SHISA9: variants seen among roughly 807,000 people sequenced by gnomAD.
SHISA9 encodes protein shisa-9.
In SHISA9, 13 loss-of-function variants were observed where a neutral mutation model predicts 38.0. That is an observed-to-expected ratio of 0.34 (90% confidence interval 0.22 to 0.54). The LOEUF (loss-of-function observed/expected upper bound fraction) is 0.54, where lower values mean the gene tolerates loss of function less well. Among genes scored for constraint, SHISA9 ranks in the 20% least tolerant of loss-of-function variants. The probability of loss-of-function intolerance (pLI) is 0.91; values close to 1 mark genes in which losing one functional copy is unlikely to be tolerated. For missense variants in SHISA9, 538 were observed against 575.8 expected (o/e 0.93, Z 0.67); for synonymous variants, 275 against 242.0 (o/e 1.14, Z -1.27).
chr16:13,001,166 G>T (rs2072519728), intron 2 of SHISA9, among the ~76,000 whole-genome samples: 2 of 152,240 alleles, frequency 1.3e-5, no homozygotes, highest in South Asian at 2.1e-4. Context: ...GACATCAGGT[G>T]ATCTGCCCGC....
rs989873038 is a variant in SHISA9 at position 13,029,087 on chromosome 16, C to T, written c.691+112272C>T. ...TTTTTTTATTTTTAGTTTTTGTGGG[C>T]ACCTAGTAGATATATAGAGCTACCA... On this transcript the variant is annotated intron_variant, in intron 2 of 4. Coordinates refer to ENST00000558583, the MANE Select transcript of SHISA9 (RefSeq NM_001145204.3). Among the ~76,000 whole-genome samples, 5 of 152,226 alleles carry T rather than the reference C, an allele frequency of 3.3e-5. 1 individual carries two copies. In the South Asian group the frequency reaches 1.0e-3, roughly 32 times the overall value.
Position 13,236,610 on chromosome 16 carries a change from C to T in SHISA9, c.*1201C>T, listed in dbSNP as rs2051387225. The T allele has an allele frequency of 1.3e-5, 2 of 152,264 alleles. No homozygotes were observed. The highest frequency in any genetic ancestry group is 1.3e-4 in the Admixed American group (2 of 15,280). The allele number at this position is 152,264 out of a possible 1,614,324, so 9.4% of individuals were successfully genotyped here. The stretch of plus-strand genomic sequence containing the variant: ...TGACAGTCTTGTTTCCCAAGTGCAA[C>T]CTGTGTTCTTTTAGCCTTCCTTCCT... On this transcript the variant is annotated 3_prime_UTR_variant, in exon 5 of 5. Transcript: ENST00000558583.
At chr16:13,557,832 C>G in the SHISA9 span, among the ~76,000 whole-genome samples, 1 of 152,124 alleles carries the variant, frequency 6.6e-6, no homozygotes, top group Non-Finnish European at 1.5e-5. Context: ...CACTGTCCCC[C>G]TGGCTCACTC....
the SHISA9 span, chr16:13,458,695 G>A: frequency 1.6e-5 from 4 of 246,304 alleles, no homozygotes; most frequent in Non-Finnish European, 3.3e-5. Flanking sequence ...TCTTGAGGAT[G>A]TAAAAAAAAA....
At chr16:12,971,432 G>T (rs892528488) in intron 2 of SHISA9, among the ~76,000 whole-genome samples, 7 of 152,198 alleles carry the variant, frequency 4.6e-5, no homozygotes, top group African/African-American at 1.7e-4. Flanking sequence ...CTCTTGGCTG[G>T]CTGCCCAGTC....
the SHISA9 span, among the ~76,000 whole-genome samples, chr16:13,268,136 C>T: frequency 6.6e-6 from 1 of 152,026 alleles, no homozygotes; most frequent in African/African-American, 2.4e-5. Flanking sequence ...GTGATCAAAT[C>T]AATGTTTTTG....
the SHISA9 span, among the ~76,000 whole-genome samples, chr16:13,552,182 CA>C: frequency 6.6e-6 from 1 of 152,116 alleles, no homozygotes; most frequent in Non-Finnish European, 1.5e-5. Context: ...GGTCTGTGTT[CA>C]TCTCTGCAGA....
chr16:13,108,965 C>A (rs536885441), intron 2 of SHISA9, among the ~76,000 whole-genome samples: 1 of 152,108 alleles, frequency 6.6e-6, no homozygotes, highest in Non-Finnish European at 1.5e-5. Flanking sequence ...ATTGTTTTCT[C>A]CAGGGGTGTG....
chr16:13,011,580 G>T (rs762668824), intron 2 of SHISA9, among the ~76,000 whole-genome samples: 3 of 152,046 alleles, frequency 2.0e-5, no homozygotes, highest in Non-Finnish European at 4.4e-5. Context: ...GGAGTGCAGT[G>T]GTGCCATCTC....
At chr16:13,266,281 A>G in the SHISA9 span, among the ~76,000 whole-genome samples, 1 of 152,146 alleles carries the variant, frequency 6.6e-6, no homozygotes, top group Non-Finnish European at 1.5e-5. Context: ...ATATGCATGC[A>G]TTATTATTTC....
At chr16:12,933,954 C>T (rs577779486) in intron 2 of SHISA9, among the ~76,000 whole-genome samples, 1 of 152,138 alleles carries the variant, frequency 6.6e-6, no homozygotes, top group Non-Finnish European at 1.5e-5. Context: ...AATAACAAGG[C>T]TGGTGTCACT....
At chr16:13,393,590 C>A in the SHISA9 span, among the ~76,000 whole-genome samples, 1 of 152,108 alleles carries the variant, frequency 6.6e-6, no homozygotes, top group African/African-American at 2.4e-5. Flanking sequence ...ATTGAATAAC[C>A]CAAAGCCAAC....
the SHISA9 span, among the ~76,000 whole-genome samples, chr16:13,473,102 CTG>C: frequency 6.6e-6 from 1 of 152,146 alleles, no homozygotes; most frequent in African/African-American, 2.4e-5. Flanking sequence ...CTTTCTGTCT[CTG>C]TAAGTATTCT....
At chr16:13,525,763 G>T in the SHISA9 span, among the ~76,000 whole-genome samples, 5 of 152,150 alleles carry the variant, frequency 3.3e-5, no homozygotes, top group African/African-American at 1.2e-4. Context: ...AAATTTCCAT[G>T]TATCAGCTAC....
At chr16:13,321,795 AAAT>A in the SHISA9 span, among the ~76,000 whole-genome samples, 3 of 152,208 alleles carry the variant, frequency 2.0e-5, no homozygotes, top group Admixed American at 2.0e-4. Flanking sequence ...CATAATAATA[AAAT>A]AATCTCAATA....
chr16:13,002,471 G>C (rs190832340), intron 2 of SHISA9, among the ~76,000 whole-genome samples: 14 of 151,424 alleles, frequency 9.2e-5, no homozygotes, highest in Non-Finnish European at 1.3e-4. Flanking sequence ...AATAAAACTT[G>C]ATATGCCAGA....
At chr16:13,472,900 T>C in the SHISA9 span, among the ~76,000 whole-genome samples, 1 of 152,230 alleles carries the variant, frequency 6.6e-6, no homozygotes, top group Non-Finnish European at 1.5e-5. Flanking sequence ...TTTTGATATC[T>C]TGAATACAGT....
chr16:13,038,179 A>C (rs1253809596), intron 2 of SHISA9, among the ~76,000 whole-genome samples: 1 of 152,112 alleles, frequency 6.6e-6, no homozygotes, highest in Non-Finnish European at 1.5e-5. Context: ...TAGTAGAGAC[A>C]GGGTTTCACC....
chr16:13,281,206 T>C, the SHISA9 span, among the ~76,000 whole-genome samples: 20 of 151,882 alleles, frequency 1.3e-4, no homozygotes, highest in African/African-American at 4.8e-4. Flanking sequence ...GTTATACAGC[T>C]AGTAAATCAC....
Sources: allele counts gnomAD v4.1 joint callset (sites outside exome capture counted in the v4.1 genomes callset), GRCh38; gene constraint gnomAD v4.1.1; transcripts MANE v1.5; gene names NCBI Gene and HGNC (gene_info 2026-07-23, HGNC 2026-07-21).